The following UBR1 variants were observed in gnomAD, a reference collection of about 807,000 sequenced individuals.
UBR1 encodes the protein E3 ubiquitin-protein ligase UBR1.
In UBR1, 102 loss-of-function variants were observed where a neutral mutation model predicts 242.1. The ratio of observed to expected loss-of-function variants is 0.42; its 90% CI spans 0.36 to 0.50. The LOEUF (loss-of-function observed/expected upper bound fraction) is 0.50, where lower values mean the gene tolerates loss of function less well. UBR1 is among the 20% of genes least tolerant of loss of function. The pLI, the probability that UBR1 is intolerant of heterozygous loss-of-function variation, is 0.01. For missense variants in UBR1, 1,772 were observed against 2,101.8 expected (o/e 0.84, Z 3.07); for synonymous variants, 675 against 684.8 (o/e 0.99, Z 0.22).
chr15:42,985,626 T>G (rs1392434935), intron 35 of UBR1, among the ~76,000 whole-genome samples: 1 of 152,174 alleles, frequency 6.6e-6, no homozygotes, highest in African/African-American at 2.4e-5. Context: ...GTGCTGGGAT[T>G]ACAGGCGTGA....
intron 1 of UBR1, chr15:43,091,967 T>G: frequency 2.3e-6 from 1 of 439,326 alleles, no homozygotes; most frequent in South Asian, 1.6e-5. Context: ...ATACCTGTGG[T>G]CCCAGCTATT....
At chr15:42,968,232 G>A (rs927359132) in intron 40 of UBR1, among the ~76,000 whole-genome samples, 2 of 151,994 alleles carry the variant, frequency 1.3e-5, no homozygotes, top group Non-Finnish European at 2.9e-5. Flanking sequence ...CAAAAGTAAA[G>A]ATGTGTTGAA....
Position 42,952,305 on chromosome 15 carries a change from C to T in UBR1, c.4979G>A (p.Cys1660Tyr). The change falls in exon 45 of 47, where the codon TGT (cysteine) becomes TAT (tyrosine). Residue 1660 changes from cysteine (C) to tyrosine (Y), a missense_variant. Cys to Tyr is a radical substitution (Grantham distance 194). This residue lies in a region of UBR1 where 965 missense variants were observed against 1,079.7 expected (regional missense o/e 0.89). Transcript: ENST00000290650. ...VGACIFHALHCGAGVCIFLKI... is the reference protein window; with the variant it reads ...VGACIFHALHYGAGVCIFLKI... ...TAGGAAAATGCAGACTCCGGCTCCA[C>T]AGTGAAGTGCGTGAAAAATGCAAGC... The T allele has an allele frequency of 6.2e-7, 1 of 1,614,160 alleles. No individual in the cohort carries two copies. The highest frequency in any genetic ancestry group is 2.2e-5 in the East Asian group (1 of 44,876).
chr15:43,080,102 A>C (rs189270268), intron 3 of UBR1, among the ~76,000 whole-genome samples: 457 of 152,376 alleles, frequency 3.0e-3, no homozygotes, highest in African/African-American at 0.011. Flanking sequence ...TTTGCAGGCC[A>C]CATAGCCTCT....
chr15:42,988,906 T>A lies in UBR1; in HGVS notation c.3910A>T (p.Ile1304Phe). The change falls in exon 35 of 47, where the codon ATT becomes TTT. Residue 1304 changes from isoleucine (I) to phenylalanine (F), a missense_variant. This residue lies in a region of UBR1 where 965 missense variants were observed against 1,079.7 expected (regional missense o/e 0.89). Transcript: ENST00000290650. ...VILFATTIYR[I>F]GLKVPPDERD... is the part of the protein sequence containing the mutation. The stretch of plus-strand genomic sequence containing the variant: ...TCATCAGGTGGCACTTTCAATCCAA[T>A]TCTATAAATTGTTGTGGCAAAGAGA... 5 of 1,613,310 alleles carry A rather than the reference T, an allele frequency of 3.1e-6. No individual in the cohort carries two copies. The highest frequency in any genetic ancestry group is 4.2e-6 in the Non-Finnish European group (5 of 1,179,204).
At chr15:43,048,621 TG>T (rs2141327638) in intron 12 of UBR1, 130 bp from the exon 13 acceptor site, 3 of 713,396 alleles carry the variant, frequency 4.2e-6, no homozygotes, top group Non-Finnish European at 7.1e-6. Flanking sequence ...TTAGAAGCTC[TG>T]AGTAGAGCTA....
At chr15:42,975,703 T>C (rs533195275) in intron 39 of UBR1, among the ~76,000 whole-genome samples, 6 of 152,120 alleles carry the variant, frequency 3.9e-5, no homozygotes, top group African/African-American at 1.2e-4. Flanking sequence ...TTTTTTCTTC[T>C]TTTTTTAAGA....
At chr15:43,068,149 G>A (rs902646732) in intron 5 of UBR1, 113 bp from the exon 6 acceptor site, 16 of 631,836 alleles carry the variant, frequency 2.5e-5, no homozygotes, top group Admixed American at 6.8e-5. Flanking sequence ...TCCAACCTGT[G>A]GGAAAGTAAC....
At chr15:43,047,706 C>A (rs2033503090) in intron 13 of UBR1, among the ~76,000 whole-genome samples, 1 of 152,154 alleles carries the variant, frequency 6.6e-6, no homozygotes, top group African/African-American at 2.4e-5. Context: ...AACCTCATCA[C>A]CCAACAACTG....
In UBR1 at chr15:42,976,758, G is replaced by C. The variant is rs1361518761; in HGVS notation, c.4328C>G (p.Thr1443Ser). Residue 1443 changes from threonine to serine, a missense_variant, in exon 39 of 47, where the codon ACC becomes AGC. By Grantham distance (58) the Thr-to-Ser change is moderately conservative. Transcript: ENST00000290650. ...YNHLYLFHLI[T>S]MAHMLQILLT... ...TAGTATCTGAAGCATGTGTGCCATG[G>C]TGATCAAATGGAAGAGATAAAGGTG... 6.2e-7 allele frequency: 1 copy of C among 1,614,072 alleles called. No homozygotes were observed. Among genetic ancestry groups the C allele is most frequent in the Non-Finnish European group, 8.5e-7 (1 of 1,180,010 alleles).
Position 43,087,262 on chromosome 15 carries a change from A to C in UBR1, c.82-1022T>G, listed in dbSNP as rs929837724. Reference sequence around the variant, plus strand: ...CTACTAAAAATACAAAAAATTAGCCAGGCGTGCTGGCGGGCGCCTGTAGTC... The same window carrying C: ...CTACTAAAAATACAAAAAATTAGCCCGGCGTGCTGGCGGGCGCCTGTAGTC... On this transcript the variant is annotated intron_variant, in intron 1 of 46. Coordinates refer to ENST00000290650, the MANE Select transcript of UBR1 (RefSeq NM_174916.3). Among the ~76,000 whole-genome samples the C allele has an allele frequency of 1.2e-4, 18 of 152,150 alleles. No homozygotes were observed. The South Asian group carries it at 3.7e-3, about 32-fold the overall frequency.
chr15:43,075,706 C>T (rs1294990807), intron 3 of UBR1, among the ~76,000 whole-genome samples: 1 of 151,598 alleles, frequency 6.6e-6, no homozygotes, highest in Non-Finnish European at 1.5e-5. Flanking sequence ...ACCTCTGCCT[C>T]CCGGGTTCAA....
chr15:43,028,686 C>T (rs1342205296), intron 21 of UBR1, among the ~76,000 whole-genome samples: 1 of 148,892 alleles, frequency 6.7e-6, no homozygotes, highest in Non-Finnish European at 1.5e-5. Flanking sequence ...CGGAGGTTAC[C>T]GTTAGCCAAG....
intron 29 of UBR1, chr15:43,011,965 G>A (rs915911915): frequency 1.6e-5 from 7 of 448,974 alleles, no homozygotes; most frequent in Admixed American, 2.4e-5. Context: ...AGTGGCTCAC[G>A]CCTGTAATCC....
intron 6 of UBR1, among the ~76,000 whole-genome samples, chr15:43,065,764 G>A (rs2033745263): frequency 6.6e-6 from 1 of 152,076 alleles, no homozygotes; most frequent in Non-Finnish European, 1.5e-5. Flanking sequence ...CTGCATGTAT[G>A]TCTTCTTTTG....
At chr15:42,987,007 G>C (rs1383403849) in intron 35 of UBR1, among the ~76,000 whole-genome samples, 1 of 152,256 alleles carries the variant, frequency 6.6e-6, no homozygotes, top group Non-Finnish European at 1.5e-5. Flanking sequence ...ATCCTTGGAA[G>C]GCACACGGTG....
chr15:42,948,502 A>C (rs1231749873), intron 46 of UBR1, among the ~76,000 whole-genome samples: 1 of 152,146 alleles, frequency 6.6e-6, no homozygotes, highest in Non-Finnish European at 1.5e-5. Flanking sequence ...GCAACCTACA[A>C]AATGGGAGAA....
intron 30 of UBR1, among the ~76,000 whole-genome samples, chr15:43,005,575 C>A (rs1009009768): frequency 6.6e-6 from 1 of 151,818 alleles, no homozygotes; most frequent in Non-Finnish European, 1.5e-5. Context: ...CCGGCCACCA[C>A]CCCGTCTGGG....
intron 35 of UBR1, among the ~76,000 whole-genome samples, chr15:42,987,712 A>AAAAC (rs2032495716): frequency 3.5e-5 from 1 of 28,754 alleles, no homozygotes; most frequent in South Asian, 9.6e-4. Flanking sequence ...ACTCTGTCTC[A>AAAAC]AAAAAAAAAA....
Sources: gnomAD v4.1 joint callset for allele counts (sites outside exome capture counted in the v4.1 genomes callset) on GRCh38, gnomAD v4.1.1 for gene constraint, gnomAD v4.1.1 regional missense constraint, MANE v1.5 for transcripts, NCBI Gene and HGNC (gene_info 2026-07-23, HGNC 2026-07-21) for gene names.